CEP128: variants seen among roughly 807,000 people sequenced by gnomAD.
CEP128 encodes the protein centrosomal protein 128kDa.
CEP128 carries 132 observed loss-of-function variants against 156.7 expected under a neutral mutation model. That is an observed-to-expected ratio of 0.84 (90% CI 0.73 to 0.97). The LOEUF (loss-of-function observed/expected upper bound fraction) is 0.97. Among genes scored for constraint, CEP128 ranks in the 50% least tolerant of loss-of-function variants. The probability of loss-of-function intolerance (pLI) is 0.00; values close to 1 mark genes in which losing one functional copy is unlikely to be tolerated. For synonymous variants in CEP128, 469 were observed against 448.9 expected, an observed-to-expected ratio of 1.04 and a Z score of -0.57; for missense variants, 1,252 against 1,281.9, an observed-to-expected ratio of 0.98 and a Z score of 0.36.
At chr14:80,673,636 ACT>A (rs2140938310) in intron 19 of CEP128, among the ~76,000 whole-genome samples, 1 of 81,888 alleles carries the variant, frequency 1.2e-5, no homozygotes, top group Admixed American at 2.3e-4. Context: ...ACAGAGCGAG[ACT>A]CCGTCTCAAA....
At chr14:80,756,443 C>A (rs1170308402) in intron 18 of CEP128, among the ~76,000 whole-genome samples, 11 of 152,162 alleles carry the variant, frequency 7.2e-5, no homozygotes, top group Admixed American at 7.2e-4. Flanking sequence ...ATATTCTCAT[C>A]TTCATGTCAT....
chr14:80,932,149 C>T (rs376801121), intron 2 of CEP128, among the ~76,000 whole-genome samples: 4 of 152,340 alleles, frequency 2.6e-5, no homozygotes, highest in Admixed American at 6.5e-5. Flanking sequence ...TGTTTGCATC[C>T]CTTCCACCAC....
At chr14:80,797,101 A>G (rs1219319321) in intron 13 of CEP128, among the ~76,000 whole-genome samples, 1 of 152,210 alleles carries the variant, frequency 6.6e-6, no homozygotes, top group African/African-American at 2.4e-5. Flanking sequence ...TGGGCCCAAG[A>G]GTATACCAAA....
At chr14:80,702,182 G>C (rs1897097826) in intron 19 of CEP128, among the ~76,000 whole-genome samples, 1 of 152,150 alleles carries the variant, frequency 6.6e-6, no homozygotes, top group Non-Finnish European at 1.5e-5. Flanking sequence ...CAGCTACAGG[G>C]ATTTTTGTGT....
At position 80,735,079 on chromosome 14, in the gene CEP128, T is replaced by C. The variant is rs182676232; in HGVS notation, c.2806+7996A>G. ...AGTGATAAACCAAAACAACTTCTTC[T>C]TGGTGCCTAGGACACTATTTCTCTG... On this transcript the variant is annotated intron_variant, in intron 19 of 24. Transcript: ENST00000555265. Among the ~76,000 whole-genome samples, 474 of 152,290 alleles carry C rather than the reference T, an allele frequency of 3.1e-3. 5 individuals are homozygous for C. Among genetic ancestry groups the C allele is most frequent in the Non-Finnish European group, 3.7e-3 (254 of 68,020 alleles).
In CEP128 at chr14:80,904,792, T is replaced by C. The variant is rs1883786215; in HGVS notation, c.480+21A>G. The C allele has an allele frequency of 7.9e-6, 10 of 1,265,398 alleles. No homozygotes were observed. In the South Asian group the frequency reaches 1.2e-4, roughly 15 times the overall value. The allele number at this position is 1,265,398 out of a possible 1,614,324, so 78.4% of individuals were successfully genotyped here. A position where few individuals can be genotyped will look rare whatever the true frequency, so the allele number is the denominator to read the frequency against. Reference sequence around the variant, plus strand: ...AGCATAAGGAAATACTGCACACAAATTACAGAATGGTACAAAGTACCTGAG... The same window carrying C: ...AGCATAAGGAAATACTGCACACAAACTACAGAATGGTACAAAGTACCTGAG... On this transcript the variant is annotated intron_variant, in intron 6 of 24. Transcript: ENST00000555265.
intron 19 of CEP128, among the ~76,000 whole-genome samples, chr14:80,619,940 C>T (rs949049869): frequency 4.6e-5 from 7 of 151,722 alleles, no homozygotes; most frequent in African/African-American, 7.3e-5. Context: ...GCCTAGCCAA[C>T]GTGGTGAAAC....
chr14:80,626,245 A>C (rs549789058), intron 19 of CEP128, among the ~76,000 whole-genome samples: 156 of 151,418 alleles, frequency 1.0e-3, no homozygotes, highest in African/African-American at 3.6e-3. Context: ...CGGGTGGATC[A>C]TGAGGTCAGG....
chr14:80,644,131 C>G (rs527679780), intron 19 of CEP128, among the ~76,000 whole-genome samples: 7 of 152,254 alleles, frequency 4.6e-5, no homozygotes, highest in African/African-American at 1.7e-4. Flanking sequence ...CCACCAAAAG[C>G]TGAGACAAAG....
At position 80,838,282 on chromosome 14, in the gene CEP128, G is replaced by C. The variant is rs756856906; in HGVS notation, c.850-4C>G. 1 of 1,609,528 alleles carries C rather than the reference G, an allele frequency of 6.2e-7. No individual in the cohort carries two copies. The highest frequency in any genetic ancestry group is 8.5e-7 in the Non-Finnish European group (1 of 1,176,780). ...ATAGCTCCAATTCCTGTTCAAGCTA[G>C]AGTTTCAACAAAGGATAAAGAAAAA... On this transcript the variant is annotated splice_polypyrimidine_tract_variant and splice_region_variant and intron_variant, in intron 10 of 24. Transcript: ENST00000555265.
rs745487638 is a variant in CEP128, at chr14:80,526,888, T to C, written c.3053A>G (p.Tyr1018Cys). Residue 1018 changes from tyrosine to cysteine, a missense_variant, in exon 23 of 25, where the codon TAC (tyrosine) becomes TGC (cysteine). Coordinates refer to ENST00000555265, the MANE Select transcript of CEP128 (RefSeq NM_152446.5). ...SLQHHQDDTK[Y>C]RTKSFKGDRT... Reference sequence around the variant, plus strand: ...AATTACTTTGAAACTTTTGGTTCTGTACTTGGTGTCATCTTGGTGATGCTG... The same window carrying C: ...AATTACTTTGAAACTTTTGGTTCTGCACTTGGTGTCATCTTGGTGATGCTG... 17 of 1,603,106 alleles carry C rather than the reference T, an allele frequency of 1.1e-5. No homozygotes were observed. Among genetic ancestry groups the C allele is most frequent in the Non-Finnish European group, 1.5e-5 (17 of 1,171,172 alleles).
intron 19 of CEP128, among the ~76,000 whole-genome samples, chr14:80,701,562 C>T (rs1463455702): frequency 6.6e-6 from 1 of 152,084 alleles, no homozygotes; most frequent in Non-Finnish European, 1.5e-5. Context: ...ATAAGCTGTC[C>T]TCTTCCTGGG....
intron 2 of CEP128, among the ~76,000 whole-genome samples, chr14:80,947,143 T>C (rs1009531801): frequency 6.6e-6 from 1 of 152,194 alleles, no homozygotes; most frequent in African/African-American, 2.4e-5. Flanking sequence ...TTACACAGTC[T>C]CAGGTGGTTC....
chr14:80,728,121 T>C (rs1434039669), intron 19 of CEP128, among the ~76,000 whole-genome samples: 1 of 152,104 alleles, frequency 6.6e-6, no homozygotes, highest in East Asian at 1.9e-4. Context: ...AGTGGTGGAC[T>C]GGATCAAAAA....
chr14:80,739,486 G>A (rs2139576650), intron 19 of CEP128, among the ~76,000 whole-genome samples: 1 of 152,006 alleles, frequency 6.6e-6, no homozygotes, highest in Middle Eastern at 3.4e-3. Flanking sequence ...CCACCTGTTC[G>A]ACCTCTCCCA....
chr14:80,741,528 A>T lies in CEP128; in HGVS notation c.2806+1547T>A, dbSNP rs537278586. On this transcript the variant is annotated intron_variant, in intron 19 of 24. Transcript: ENST00000555265. ...GCCCAGAATACCCCAAAAGTGTATGACAACATGGATCTATGAATATAGCAG... is the reference window on the plus strand; with the variant it reads ...GCCCAGAATACCCCAAAAGTGTATGTCAACATGGATCTATGAATATAGCAG... 2.6e-5 allele frequency among the ~76,000 whole-genome samples: 4 copies of T among 152,254 alleles called. No individual in the cohort carries two copies. In the South Asian group the frequency reaches 8.3e-4, roughly 32 times the overall value.
At chr14:80,758,776 C>T (rs1199276345) in intron 17 of CEP128, among the ~76,000 whole-genome samples, 4 of 152,168 alleles carry the variant, frequency 2.6e-5, no homozygotes, top group African/African-American at 9.7e-5. Context: ...TGAGTATCCA[C>T]TAAGCGCAAG....
chr14:80,814,530 C>T lies in CEP128; in HGVS notation c.1209+16613G>A, dbSNP rs549305331. Among the ~76,000 whole-genome samples the T allele has an allele frequency of 9.9e-5, 15 of 152,042 alleles. 1 individual carries two copies. The South Asian group carries it at 1.5e-3, about 15-fold the overall frequency. On this transcript the variant is annotated intron_variant, in intron 13 of 24. Coordinates refer to ENST00000555265, the MANE Select transcript of CEP128 (RefSeq NM_152446.5). ...AAAAAGAAAAAATAATGTATTGTAT[C>T]TGGAAACTGTCCTAAGGGCCAGGGC...
intron 14 of CEP128, among the ~76,000 whole-genome samples, chr14:80,483,004 G>T (rs1001068910): frequency 2.0e-5 from 3 of 152,168 alleles, no homozygotes; most frequent in Non-Finnish European, 4.4e-5. Context: ...CCAAATATTG[G>T]CAGGTCGAGA....
Sources: gnomAD v4.1 joint callset for allele counts (sites outside exome capture counted in the v4.1 genomes callset) on GRCh38, gnomAD v4.1.1 for gene constraint, MANE v1.5 for transcripts, NCBI Gene and HGNC (gene_info 2026-07-23, HGNC 2026-07-21) for gene names.